The following EIPR1 variants were observed in gnomAD, a reference collection of about 807,000 sequenced individuals.
The protein encoded by EIPR1 is EARP and GARP complex-interacting protein 1.
EIPR1 carries 25 observed loss-of-function variants against 48.1 expected under a neutral mutation model. That is an observed-to-expected ratio of 0.52 (90% CI 0.38 to 0.73). The LOEUF (loss-of-function observed/expected upper bound fraction) is 0.73, where lower values mean the gene tolerates loss of function less well. EIPR1 is among the 30% of genes least tolerant of loss of function. The probability of loss-of-function intolerance (pLI) is 0.00; values close to 1 mark genes in which losing one functional copy is unlikely to be tolerated. For synonymous variants in EIPR1, 204 were observed against 201.9 expected, an observed-to-expected ratio of 1.01 and a Z score of -0.09; for missense variants, 415 against 506.2, an observed-to-expected ratio of 0.82 and a Z score of 1.73.
chr2:3,245,324 T>A (rs1313664150), intron 4 of EIPR1, among the ~76,000 whole-genome samples: 2 of 152,212 alleles, frequency 1.3e-5, no homozygotes. Context: ...GTGATTCTCC[T>A]GCCTCAGCCT....
At chr2:3,337,892 C>A (rs749118983) in intron 3 of EIPR1, 125 bp downstream of exon 3, 2 of 1,039,880 alleles carry the variant, frequency 1.9e-6, no homozygotes, top group Non-Finnish European at 2.8e-6. Context: ...TCTGTGCATG[C>A]AACACCTTCA....
chr2:3,270,698 A>G (rs2103244840), intron 3 of EIPR1, among the ~76,000 whole-genome samples: 1 of 152,332 alleles, frequency 6.6e-6, no homozygotes, highest in Non-Finnish European at 1.5e-5. Context: ...GAATACTAAC[A>G]ATCACCTGAG....
intron 1 of EIPR1, among the ~76,000 whole-genome samples, chr2:3,364,101 G>A (rs978002020): frequency 2.0e-4 from 30 of 152,146 alleles, no homozygotes; most frequent in Non-Finnish European, 1.5e-4. Flanking sequence ...AGAAGAGTAT[G>A]GCGTCTCCTC....
intron 3 of EIPR1, among the ~76,000 whole-genome samples, chr2:3,304,873 A>T (rs1011307398): frequency 1.4e-5 from 2 of 147,832 alleles, no homozygotes; most frequent in African/African-American, 5.0e-5. Context: ...CATCCAGTTC[A>T]GCCCTCCATT....
chr2:3,209,667 A>G (rs1665372872), intron 5 of EIPR1, among the ~76,000 whole-genome samples: 1 of 152,252 alleles, frequency 6.6e-6, no homozygotes, highest in African/African-American at 2.4e-5. Flanking sequence ...AACCTTCCAG[A>G]CAATGGAACA....
chr2:3,257,931 T>C (rs1251593809), intron 3 of EIPR1, among the ~76,000 whole-genome samples: 1 of 152,248 alleles, frequency 6.6e-6, no homozygotes, highest in East Asian at 1.9e-4. Context: ...ACGCATGTTA[T>C]TCTGCCTCAG....
chr2:3,219,748 GCC>G (rs1373727428), intron 4 of EIPR1, among the ~76,000 whole-genome samples: 1 of 151,892 alleles, frequency 6.6e-6, no homozygotes, highest in African/African-American at 2.4e-5. Context: ...ACCCAACACG[GCC>G]CTGGTATGCT....
intron 1 of EIPR1, among the ~76,000 whole-genome samples, chr2:3,372,967 T>C (rs1303825744): frequency 6.6e-6 from 1 of 152,122 alleles, no homozygotes; most frequent in African/African-American, 2.4e-5. Context: ...TGAACATTGA[T>C]GCAAAAATCC....
At chr2:3,198,076 G>C (rs1010909846) in intron 5 of EIPR1, among the ~76,000 whole-genome samples, 4 of 152,238 alleles carry the variant, frequency 2.6e-5, no homozygotes, top group Non-Finnish European at 2.9e-5. Flanking sequence ...TCCCCACAGA[G>C]TGAGTGCCCA....
chr2:3,307,528 C>A (rs901584746), intron 3 of EIPR1, among the ~76,000 whole-genome samples: 1 of 152,218 alleles, frequency 6.6e-6, no homozygotes, highest in Non-Finnish European at 1.5e-5. Context: ...GCAGGAGCAG[C>A]ACCAGGCAGC....
At chr2:3,203,430 C>T (rs1264940693) in intron 5 of EIPR1, among the ~76,000 whole-genome samples, 1 of 152,204 alleles carries the variant, frequency 6.6e-6, no homozygotes, top group East Asian at 1.9e-4. Flanking sequence ...GTAAATAAAC[C>T]TGATTGAAGG....
chr2:3,304,212 C>G (rs1668844200), intron 3 of EIPR1, among the ~76,000 whole-genome samples: 1 of 152,216 alleles, frequency 6.6e-6, no homozygotes, highest in Non-Finnish European at 1.5e-5. Context: ...ATCCAGGGAA[C>G]AGCGTGCTGT....
chr2:3,293,545 C>CG (rs1234291890), intron 3 of EIPR1, among the ~76,000 whole-genome samples: 1 of 152,218 alleles, frequency 6.6e-6, no homozygotes, highest in East Asian at 1.9e-4. Flanking sequence ...GCTTCAAAGA[C>CG]GGGCCCATCA....
At chr2:3,366,085 A>G (rs975874897) in intron 1 of EIPR1, among the ~76,000 whole-genome samples, 15 of 152,338 alleles carry the variant, frequency 9.8e-5, no homozygotes, top group African/African-American at 3.6e-4. Flanking sequence ...AGGTGGGCGG[A>G]TCACTTGAGG....
intron 5 of EIPR1, among the ~76,000 whole-genome samples, chr2:3,199,739 C>T (rs1422786591): frequency 8.2e-6 from 1 of 122,438 alleles, no homozygotes; most frequent in Non-Finnish European, 1.7e-5. Context: ...TCTGGGCACG[C>T]ATGGGGAGGG....
At chr2:3,276,060 G>A (rs1272840891) in intron 3 of EIPR1, among the ~76,000 whole-genome samples, 1 of 152,096 alleles carries the variant, frequency 6.6e-6, no homozygotes, top group Non-Finnish European at 1.5e-5. Context: ...AAAACAGTAG[G>A]GTAGGCAATG....
At chr2:3,318,831 G>A (rs988636528) in intron 3 of EIPR1, 12 of 470,488 alleles carry the variant, frequency 2.6e-5, no homozygotes, top group Admixed American at 2.4e-4. Context: ...AGGGGTGCTT[G>A]TTTACATAAA....
chr2:3,327,007 G>A (rs4854174), intron 3 of EIPR1, among the ~76,000 whole-genome samples: 69,371 of 152,102 alleles, frequency 0.46, 17,173 homozygotes, highest in East Asian at 0.81. Context: ...CACAGAGGCA[G>A]GCAGCCGCGT....
In EIPR1 at chr2:3,192,490, T is replaced by A. The variant is rs574287329; in HGVS notation, c.913A>T (p.Ile305Phe). ...SRVILSNMVS[I>F]SSEPFGHLVD... Reference sequence around the variant, plus strand: ...AAGTGGCCGAAGGGCTCCGACGAGATGGACACCATGTTGGAAAGGATGACT... The same window carrying A: ...AAGTGGCCGAAGGGCTCCGACGAGAAGGACACCATGTTGGAAAGGATGACT... The change falls in exon 8 of 9, where the codon ATC (isoleucine) becomes TTC (phenylalanine). Residue 305 changes from isoleucine to phenylalanine, a missense_variant. By Grantham distance (21) the Ile-to-Phe change is conservative (BLOSUM62 0). Coordinates refer to ENST00000382125, the MANE Select transcript of EIPR1 (RefSeq NM_003310.5). 1 of 1,613,102 alleles carries A rather than the reference T, an allele frequency of 6.2e-7. No homozygotes were observed. Among genetic ancestry groups the A allele is most frequent in the African/African-American group, 1.3e-5 (1 of 75,028 alleles).
Sources: gnomAD v4.1 joint callset for allele counts (sites outside exome capture counted in the v4.1 genomes callset) on GRCh38, gnomAD v4.1.1 for gene constraint, MANE v1.5 for transcripts, NCBI Gene and HGNC (gene_info 2026-07-23, HGNC 2026-07-21) for gene names.